Variants in AGPAT4 observed in about 807,000 individuals in gnomAD.
AGPAT4 encodes the protein 1-acylglycerol-3-phosphate O-acyltransferase 4.
Under a neutral mutation model 48.0 loss-of-function variants are expected in AGPAT4, and 15 were observed. The observed-to-expected ratio is 0.31, with a 90% CI of 0.21 to 0.48. AGPAT4 has a LOEUF of 0.48. AGPAT4 is among the 20% of genes least tolerant of loss of function. The pLI, the probability that AGPAT4 is intolerant of heterozygous loss-of-function variation, is 0.99. For missense variants in AGPAT4, 314 were observed against 482.5 expected, an observed-to-expected ratio of 0.65 and a Z score of 3.27; for synonymous variants, 178 against 198.7, an observed-to-expected ratio of 0.90 and a Z score of 0.88.
At chr6:161,213,433 A>G (rs1781568750) in intron 2 of AGPAT4, among the ~76,000 whole-genome samples, 1 of 152,132 alleles carries the variant, frequency 6.6e-6, no homozygotes, top group Non-Finnish European at 1.5e-5. Flanking sequence ...ACATTTTTCA[A>G]TTTTTATTAT....
rs1268621565 is a variant in AGPAT4 at position 161,146,097 on chromosome 6, G to A, written c.843+427C>T. ...CCACAGCAGGTTCGAACCCAGCCAA[G>A]ACCAAGGTGGATCCTTGTAGGGCTT... On this transcript the variant is annotated intron_variant, in intron 7 of 8. Transcript: ENST00000320285. The surrounding 1 kb of genome is among the most constrained non-coding windows in gnomAD (Gnocchi z 7.1). 7.3e-5 allele frequency among the ~76,000 whole-genome samples: 11 copies of A among 151,642 alleles called. No individual in the cohort carries two copies. Among genetic ancestry groups the A allele is most frequent in the Admixed American group, 7.2e-4 (11 of 15,266 alleles).
At chr6:161,176,782 T>C (rs924771817) in intron 2 of AGPAT4, among the ~76,000 whole-genome samples, 1 of 152,196 alleles carries the variant, frequency 6.6e-6, no homozygotes, top group Non-Finnish European at 1.5e-5. Context: ...CTGGTACCGG[T>C]TGTTCCATTC....
In AGPAT4 at chr6:161,201,499, G is replaced by C. The variant is rs1041643896; in HGVS notation, c.178+30537C>G. Among the ~76,000 whole-genome samples, 3 of 152,206 alleles carry C rather than the reference G, an allele frequency of 2.0e-5. No homozygotes were observed. The highest frequency in any genetic ancestry group is 7.2e-5 in the African/African-American group (3 of 41,448). On this transcript the variant is annotated intron_variant, in intron 2 of 8. Coordinates refer to ENST00000320285, the MANE Select transcript of AGPAT4 (RefSeq NM_020133.3). This position sits in a 1 kb window ranked among gnomAD's most constrained non-coding sequence, Gnocchi z 6.0. ...TTAGTTACTTCTGGTTTTCAAGGCT[G>C]TCATCCAAATTTCCCCACCATGAGC... is the stretch of plus-strand genomic sequence containing the variant.
rs1781104844 is a variant in AGPAT4 at position 161,197,590 on chromosome 6, T to C, written c.179-31173A>G. On this transcript the variant is annotated intron_variant, in intron 2 of 8. Transcript: ENST00000320285. The surrounding 1 kb of genome is among the most constrained non-coding windows in gnomAD (Gnocchi z 5.7). The stretch of plus-strand genomic sequence containing the variant: ...ATTACTCCTGGGGCTCATGTTTTCC[T>C]CTCCTGAACCACTCTGCCTCCTTGC... Among the ~76,000 whole-genome samples, 1 of 152,124 alleles carries C rather than the reference T, an allele frequency of 6.6e-6. No individual in the cohort carries two copies. The highest frequency in any genetic ancestry group is 6.5e-5 in the Admixed American group (1 of 15,268).
chr6:161,182,011 C>A (rs1279431918), intron 2 of AGPAT4, among the ~76,000 whole-genome samples: 1 of 152,110 alleles, frequency 6.6e-6, no homozygotes, highest in Admixed American at 6.5e-5. Context: ...GAAAAAGTGT[C>A]TGAAAAGGTT....
In AGPAT4 at chr6:161,240,143, AAAT is replaced by A. The variant is rs1782441606; in HGVS notation, c.-89-7844_-89-7842del. On this transcript the variant is annotated intron_variant, in intron 1 of 8. Coordinates refer to ENST00000320285, the MANE Select transcript of AGPAT4 (RefSeq NM_020133.3). The surrounding 1 kb of genome is among the most constrained non-coding windows in gnomAD (Gnocchi z 5.5). ...GACAGGATACAAAATCATGTGGAGA[AAAT>A]AATCACAACTCTAAAAAAAAAACCG... Among the ~76,000 whole-genome samples, 1 of 152,032 alleles carries A rather than the reference AAAT, an allele frequency of 6.6e-6. No homozygotes were observed. The highest frequency in any genetic ancestry group is 1.5e-5 in the Non-Finnish European group (1 of 67,998).
chr6:161,192,153 T>TC (rs1456985828), intron 2 of AGPAT4, among the ~76,000 whole-genome samples: 1 of 139,674 alleles, frequency 7.2e-6, no homozygotes, highest in East Asian at 2.0e-4. Flanking sequence ...TTTTTTTTTT[T>TC]TTTTTTTTTT....
At chr6:161,174,905 C>A (rs1401936424) in intron 2 of AGPAT4, among the ~76,000 whole-genome samples, 1 of 152,094 alleles carries the variant, frequency 6.6e-6, no homozygotes, top group Non-Finnish European at 1.5e-5. Flanking sequence ...TTGAGATGAT[C>A]GTGTGGTTTT....
rs950020965 is a variant in AGPAT4, at chr6:161,242,605, A to G, written c.-89-10303T>C. Among the ~76,000 whole-genome samples the G allele has an allele frequency of 6.6e-6, 1 of 152,198 alleles. No individual in the cohort carries two copies. Among genetic ancestry groups the G allele is most frequent in the African/African-American group, 2.4e-5 (1 of 41,444 alleles). On this transcript the variant is annotated intron_variant, in intron 1 of 8. Transcript: ENST00000320285. This position sits in a 1 kb window ranked among gnomAD's most constrained non-coding sequence, Gnocchi z 5.0. The stretch of plus-strand genomic sequence containing the variant: ...TCCAACAACCGAGGGTGTATGAGCT[A>G]TTTTAAACAATGCTCAGCAGAGGCA...
At chr6:161,257,643 C>CA (rs996002357) in intron 1 of AGPAT4, among the ~76,000 whole-genome samples, 13 of 151,136 alleles carry the variant, frequency 8.6e-5, no homozygotes, top group Non-Finnish European at 1.6e-4. Context: ...AATCCAACAT[C>CA]AAAAAAATGA....
rs1315293814 is a variant in AGPAT4, at chr6:161,139,870, C to T, written c.844-250G>A. 6.6e-6 allele frequency among the ~76,000 whole-genome samples: 1 copy of T among 152,226 alleles called. No individual in the cohort carries two copies. Among genetic ancestry groups the T allele is most frequent in the African/African-American group, 2.4e-5 (1 of 41,460 alleles). On this transcript the variant is annotated intron_variant, in intron 7 of 8. Coordinates refer to ENST00000320285, the MANE Select transcript of AGPAT4 (RefSeq NM_020133.3). This position sits in a 1 kb window ranked among gnomAD's most constrained non-coding sequence, Gnocchi z 9.1. The stretch of plus-strand genomic sequence containing the variant: ...GCTGCAGCTGTCACTGAGTGCAGGG[C>T]GTGGAGCATGAACCCTGGCGCCAGG...
At chr6:161,193,057 A>G (rs1780968536) in intron 2 of AGPAT4, among the ~76,000 whole-genome samples, 1 of 151,964 alleles carries the variant, frequency 6.6e-6, no homozygotes, top group Non-Finnish European at 1.5e-5. Flanking sequence ...GAATCTTTGG[A>G]TTAGTATTAT....
rs9458137 is a variant in AGPAT4 at position 161,130,212 on chromosome 6, G to C, written c.*6328C>G. The C allele has an allele frequency of 4.6e-5, 7 of 152,034 alleles. No homozygotes were observed. Among genetic ancestry groups the C allele is most frequent in the African/African-American group, 1.7e-4 (7 of 41,360 alleles). 9.4% of individuals were successfully genotyped at this position (152,034 alleles called of 1,614,324 possible). The stretch of plus-strand genomic sequence containing the variant: ...GTCCAAACATCCACCCAATCCACAC[G>C]TTCTCTCAAAGACTAGCATGGTTCT... On this transcript the variant is annotated 3_prime_UTR_variant, in exon 9 of 9. Transcript: ENST00000320285.
chr6:161,156,219 T>C (rs1303977169), intron 3 of AGPAT4, among the ~76,000 whole-genome samples: 1 of 152,214 alleles, frequency 6.6e-6, no homozygotes, highest in African/African-American at 2.4e-5. Context: ...AGATCTTGTA[T>C]AACACTAGAG....
chr6:161,173,680 T>C (rs1324008596), intron 2 of AGPAT4, among the ~76,000 whole-genome samples: 1 of 152,284 alleles, frequency 6.6e-6, no homozygotes, highest in East Asian at 1.9e-4. Context: ...TTGGCTTTTG[T>C]TGCCATTGCT....
rs557104714 is a variant in AGPAT4, at chr6:161,236,556, G to C, written c.-89-4254C>G. Among the ~76,000 whole-genome samples, 62 of 152,196 alleles carry C rather than the reference G, an allele frequency of 4.1e-4. No homozygotes were observed. Among genetic ancestry groups the C allele is most frequent in the Admixed American group, 6.5e-4 (10 of 15,280 alleles). ...CAAAGAAATCTGGCCACAGAGGCTG[G>C]CACGGTTACCTCTGGGGGCAGACAA... On this transcript the variant is annotated intron_variant, in intron 1 of 8. Transcript: ENST00000320285. This position sits in a 1 kb window ranked among gnomAD's most constrained non-coding sequence, Gnocchi z 5.0.
In AGPAT4 at chr6:161,202,488, T is replaced by G. The variant is rs1210111483; in HGVS notation, c.178+29548A>C. ...ACAAAGCACCATTTATGTCACTTAG[T>G]TGAAGAGAAGAGAGTTACTAGCCCG... On this transcript the variant is annotated intron_variant, in intron 2 of 8. Transcript: ENST00000320285. This position sits in a 1 kb window ranked among gnomAD's most constrained non-coding sequence, Gnocchi z 5.4. Among the ~76,000 whole-genome samples the G allele has an allele frequency of 1.3e-5, 2 of 152,116 alleles. No homozygotes were observed. The highest frequency in any genetic ancestry group is 2.4e-5 in the African/African-American group (1 of 41,414).
chr6:161,236,434 C>G lies in AGPAT4; in HGVS notation c.-89-4132G>C, dbSNP rs569660575. On this transcript the variant is annotated intron_variant, in intron 1 of 8. Transcript: ENST00000320285. The surrounding 1 kb of genome is among the most constrained non-coding windows in gnomAD (Gnocchi z 5.0). ...GCTCAGAAGCAGCGTTTAACCTTTA[C>G]TTTTTCCTGAAATTCACCCCATGAC... Among the ~76,000 whole-genome samples the G allele has an allele frequency of 3.9e-5, 6 of 152,148 alleles. No individual in the cohort carries two copies. Among genetic ancestry groups the G allele is most frequent in the Non-Finnish European group, 8.8e-5 (6 of 68,024 alleles).
rs1216841695 is a variant in AGPAT4 at position 161,238,271 on chromosome 6, G to A, written c.-89-5969C>T. ...AGAGCAATAACTTCAGCATGAGGTG[G>A]CTGCAAGGAGCAAGTATAGTAAAGC... is the stretch of plus-strand genomic sequence containing the variant. On this transcript the variant is annotated intron_variant, in intron 1 of 8. Transcript: ENST00000320285. The surrounding 1 kb of genome is among the most constrained non-coding windows in gnomAD (Gnocchi z 5.2). Among the ~76,000 whole-genome samples the A allele has an allele frequency of 6.6e-6, 1 of 152,176 alleles. No homozygotes were observed. The highest frequency in any genetic ancestry group is 2.4e-5 in the African/African-American group (1 of 41,426).
Sources: gnomAD v4.1 joint callset for allele counts (sites outside exome capture counted in the v4.1 genomes callset) on GRCh38, gnomAD v4.1.1 for gene constraint, Gnocchi (gnomAD v3.1) non-coding constraint, MANE v1.5 for transcripts, NCBI Gene and HGNC (gene_info 2026-07-23, HGNC 2026-07-21) for gene names.